PCNT: variants seen among roughly 807,000 people sequenced by gnomAD.
PCNT encodes the protein kendrin.
A neutral mutation model predicts 380.4 loss-of-function variants in PCNT; 319 were observed. That is an observed-to-expected ratio of 0.84 (90% CI 0.77 to 0.92). The LOEUF (loss-of-function observed/expected upper bound fraction) is 0.92. Among genes scored for constraint, PCNT ranks in the 40% least tolerant of loss-of-function variants. The pLI is 0.00. For missense variants in PCNT, 4,400 were observed against 4,255.3 expected, an observed-to-expected ratio of 1.03 and a Z score of -0.95; for synonymous variants, 1,845 against 1,735.2, an observed-to-expected ratio of 1.06 and a Z score of -1.57.
At position 46,367,021 on chromosome 21, in the gene PCNT, T is replaced by C. The variant is rs1384510644; in HGVS notation, c.3047T>C (p.Leu1016Ser). Residue 1016 changes from leucine (L) to serine (S), a missense_variant, in exon 15 of 47, where the codon TTG becomes TCG. Transcript: ENST00000359568. Reference sequence around the variant, plus strand: ...CACCAAACGATTTTGACTCAAGAGTTGGAGAAACTGAAGCGGAAACACGAA... The same window carrying C: ...CACCAAACGATTTTGACTCAAGAGTCGGAGAAACTGAAGCGGAAACACGAA... ...SLHQTILTQE[L>S]EKLKRKHEGE... The C allele has an allele frequency of 1.4e-5, 22 of 1,614,092 alleles. No homozygotes were observed. Among genetic ancestry groups the C allele is most frequent in the Non-Finnish European group, 1.9e-5 (22 of 1,180,032 alleles).
chr21:46,333,707 T>C (rs1254119006), intron 2 of PCNT, among the ~76,000 whole-genome samples: 1 of 148,834 alleles, frequency 6.7e-6, no homozygotes, highest in African/African-American at 2.5e-5. Flanking sequence ...TCAAGACCAG[T>C]CTGGCCAACA....
At position 46,388,176 on chromosome 21, in the gene PCNT, C is replaced by G. The variant is rs1160247826; in HGVS notation, c.3465-566C>G. Among the ~76,000 whole-genome samples the G allele has an allele frequency of 6.6e-6, 1 of 151,586 alleles. No individual in the cohort carries two copies. The highest frequency in any genetic ancestry group is 1.9e-4 in the East Asian group (1 of 5,160). On this transcript the variant is annotated intron_variant, in intron 17 of 46. Coordinates refer to ENST00000359568, the MANE Select transcript of PCNT (RefSeq NM_006031.6). The surrounding 1 kb of genome is among the most constrained non-coding windows in gnomAD (Gnocchi z 4.2). ...AGTGAGCCAAGATCGTGCCACTGCA[C>G]TCCAGCCTGGGCGACAGAGCGAGAC...
At chr21:46,444,523 CTT>C (rs1221822948) in intron 45 of PCNT, among the ~76,000 whole-genome samples, 169 bp from the exon 46 acceptor site, 2 of 152,150 alleles carry the variant, frequency 1.3e-5, no homozygotes, top group Non-Finnish European at 2.9e-5. Context: ...CTCTGTGACA[CTT>C]TTTGTAATGA....
chr21:46,413,666 C>T (rs1160814407), intron 29 of PCNT, among the ~76,000 whole-genome samples: 1 of 152,192 alleles, frequency 6.6e-6, no homozygotes, highest in Admixed American at 6.5e-5. Flanking sequence ...CACATCGCCC[C>T]CGTGGGCCTC....
chr21:46,377,095 G>C (rs2085353754), intron 15 of PCNT, among the ~76,000 whole-genome samples: 1 of 152,138 alleles, frequency 6.6e-6, no homozygotes, highest in Non-Finnish European at 1.5e-5. Context: ...CACAAAAAAA[G>C]GTAGAGAATA....
chr21:46,400,360 A>G (rs1396800675), intron 25 of PCNT, among the ~76,000 whole-genome samples: 1 of 152,194 alleles, frequency 6.6e-6, no homozygotes, highest in Non-Finnish European at 1.5e-5. Context: ...TGTGCCCTCC[A>G]TTGTGAGCAT....
chr21:46,345,846 G>T (rs1301659905), intron 3 of PCNT, among the ~76,000 whole-genome samples: 1 of 152,210 alleles, frequency 6.6e-6, no homozygotes, highest in Non-Finnish European at 1.5e-5. Flanking sequence ...GGCCTTCTGT[G>T]TCTGCTCTGT....
Position 46,418,218 on chromosome 21 carries a change from A to G in PCNT, c.6936A>G (p.Glu2312=). 1 of 1,596,722 alleles carries G rather than the reference A, an allele frequency of 6.3e-7. No individual in the cohort carries two copies. The change falls in exon 31 of 47, where the codon GAA becomes GAG. Residue 2312 remains glutamate, a synonymous_variant. Transcript: ENST00000359568. ...VQRTAVEKDV[E]DFITTSFDSQ... ...TCTCTTAACAGGAGAAAGATGTCGA[A>G]GATTTTATCACAACATCCTTTGATT...
intron 2 of PCNT, among the ~76,000 whole-genome samples, chr21:46,327,080 A>T (rs908209326): frequency 6.7e-6 from 1 of 148,460 alleles, no homozygotes; most frequent in Non-Finnish European, 1.5e-5. Context: ...TATTTTTTTG[A>T]GATGGATTCT....
intron 12 of PCNT, among the ~76,000 whole-genome samples, chr21:46,356,219 G>C (rs1475258892): frequency 6.6e-6 from 1 of 152,218 alleles, no homozygotes; most frequent in African/African-American, 2.4e-5. Flanking sequence ...GCCGTCCATG[G>C]TGGGGGTGAG....
rs576662458 is a variant in PCNT at position 46,366,830 on chromosome 21, A to G, written c.2856A>G (p.Lys952=). Residue 952 remains lysine, a synonymous_variant, in exon 15 of 47, where the codon AAA becomes AAG. Coordinates refer to ENST00000359568, the MANE Select transcript of PCNT (RefSeq NM_006031.6). ...CACGTGTGGCCGAACTGCAGACAAA[A>G]CACGCTGCCGACCTCGGCGCTCTGG... is the stretch of plus-strand genomic sequence containing the variant. ...LAARVAELQT[K]HAADLGALET... is the part of the protein sequence containing the mutation. 2.5e-6 allele frequency: 4 copies of G among 1,613,930 alleles called. No individual in the cohort carries two copies. The African/African-American group carries it at 4.0e-5, about 16-fold the overall frequency.
rs1245128766 is a variant in PCNT at position 46,432,137 on chromosome 21, G to A, written c.8673G>A (p.Ala2891=). 3.1e-6 allele frequency: 5 copies of A among 1,614,014 alleles called. No individual in the cohort carries two copies. Among genetic ancestry groups the A allele is most frequent in the Admixed American group, 3.3e-5 (2 of 60,030 alleles). Residue 2891 remains alanine (A), a synonymous_variant, in exon 38 of 47, where the codon GCG becomes GCA. Transcript: ENST00000359568. The part of the protein sequence containing the change: ...RLKEQEGRKA[A]RRSAEARQSP... ...AAGAGCAAGAAGGACGCAAGGCTGC[G>A]AGGAGGAGCGCGGAGGCCAGGCAGA...
At chr21:46,370,119 C>T (rs2085065468) in intron 15 of PCNT, among the ~76,000 whole-genome samples, 3 of 151,766 alleles carry the variant, frequency 2.0e-5, no homozygotes, top group African/African-American at 4.9e-5. Flanking sequence ...CACTTGGAGC[C>T]GCTGGATTGT....
intron 38 of PCNT, among the ~76,000 whole-genome samples, chr21:46,435,560 T>C (rs1487405831): frequency 2.0e-5 from 3 of 147,070 alleles, no homozygotes; most frequent in Non-Finnish European, 4.5e-5. Flanking sequence ...TTGTTTTGTT[T>C]GAGATGGAGT....
intron 21 of PCNT, among the ~76,000 whole-genome samples, chr21:46,392,706 G>A (rs2086075000): frequency 6.6e-6 from 1 of 152,154 alleles, no homozygotes; most frequent in South Asian, 2.1e-4. Context: ...CGTTTTCCAG[G>A]GTGGAAGACA....
In PCNT at chr21:46,432,260, A is replaced by C. The variant is rs777563909; in HGVS notation, c.8751+45A>C. ...GGAGCGTCCACACCTAAAAACGATA[A>C]GCAATTGGAGTTAGGATGGTTCACG... On this transcript the variant is annotated intron_variant, in intron 38 of 46. Coordinates refer to ENST00000359568, the MANE Select transcript of PCNT (RefSeq NM_006031.6). 1.9e-6 allele frequency: 3 copies of C among 1,545,538 alleles called. No homozygotes were observed. The African/African-American group carries it at 4.1e-5, about 21-fold the overall frequency.
chr21:46,383,587 A>T (rs1169577117), intron 16 of PCNT, among the ~76,000 whole-genome samples: 1 of 140,470 alleles, frequency 7.1e-6, no homozygotes, highest in Non-Finnish European at 1.5e-5. Flanking sequence ...AGTGCTGTGC[A>T]TTCAGCAGCG....
intron 25 of PCNT, among the ~76,000 whole-genome samples, chr21:46,400,579 C>CGCAATCTTGGCTCGAGTGCAGTGGT (rs376572119): frequency 0.12 from 16,988 of 137,380 alleles, 1,117 homozygotes; most frequent in South Asian, 0.21. Flanking sequence ...AGTGCAGTGG[C>CGCAATCTTGGCTCGAGTGCAGTGGT]GCAATCTCGG....
At chr21:46,383,399 G>A (rs1192660611) in intron 16 of PCNT, among the ~76,000 whole-genome samples, 10 of 143,692 alleles carry the variant, frequency 7.0e-5, no homozygotes, top group South Asian at 2.3e-4. Context: ...TGACGGAAGC[G>A]CATTCACGGT....
Sources: gnomAD v4.1 joint callset for allele counts (sites outside exome capture counted in the v4.1 genomes callset) on GRCh38, gnomAD v4.1.1 for gene constraint, Gnocchi (gnomAD v3.1) non-coding constraint, MANE v1.5 for transcripts, NCBI Gene and HGNC (gene_info 2026-07-23, HGNC 2026-07-21) for gene names.